The following ITSN1 variants were observed in gnomAD, a reference collection of about 807,000 sequenced individuals.
The protein encoded by ITSN1 is intersectin-1.
A neutral mutation model predicts 239.8 loss-of-function variants in ITSN1; 58 were observed. That is an observed-to-expected ratio of 0.24 (90% CI 0.20 to 0.30). ITSN1 has a LOEUF of 0.30. Among genes scored for constraint, ITSN1 ranks in the 10% least tolerant of loss-of-function variants. The pLI, the probability that ITSN1 is intolerant of heterozygous loss-of-function variation, is 1.00. For synonymous variants in ITSN1, 780 were observed against 770.8 expected, an observed-to-expected ratio of 1.01 and a Z score of -0.20; for missense variants, 1,558 against 2,103.3, an observed-to-expected ratio of 0.74 and a Z score of 5.07.
At position 33,889,891 on chromosome 21, in the gene ITSN1, G is replaced by A. The variant is rs1986245106; in HGVS notation, c.*1591G>A. 6.6e-6 allele frequency: 1 copy of A among 152,154 alleles called. No individual in the cohort carries two copies. Among genetic ancestry groups the A allele is most frequent in the African/African-American group, 2.4e-5 (1 of 41,436 alleles). The allele number at this position is 152,154 out of a possible 1,614,324, so 9.4% of individuals were successfully genotyped here. On this transcript the variant is annotated 3_prime_UTR_variant, in exon 40 of 40. Transcript: ENST00000381318. Reference sequence around the variant, plus strand: ...TTTTTTTAAAAGTGTGTGTTGGAAAGGACAACAAAGTTTACATTTCATACT... The same window carrying A: ...TTTTTTTAAAAGTGTGTGTTGGAAAAGACAACAAAGTTTACATTTCATACT...
At chr21:33,692,323 C>T (rs2091585299) in intron 1 of ITSN1, among the ~76,000 whole-genome samples, 1 of 152,170 alleles carries the variant, frequency 6.6e-6, no homozygotes, top group African/African-American at 2.4e-5. Context: ...TACCTGGATT[C>T]TAGCTGGCGT....
At chr21:33,725,134 T>G (rs1408456063) in intron 4 of ITSN1, among the ~76,000 whole-genome samples, 3 of 31,500 alleles carry the variant, frequency 9.5e-5, no homozygotes, top group African/African-American at 3.2e-4. Context: ...TTTTTTTTTG[T>G]TTTTTTTTTT....
At chr21:33,881,331 C>G (rs1984871662) in intron 34 of ITSN1, among the ~76,000 whole-genome samples, 2 of 150,514 alleles carry the variant, frequency 1.3e-5, no homozygotes, top group South Asian at 4.2e-4. Context: ...GGCGTCAACC[C>G]GGGAGGCGGA....
intron 29 of ITSN1, among the ~76,000 whole-genome samples, chr21:33,848,462 T>G (rs2075052339): frequency 6.6e-6 from 1 of 152,178 alleles, no homozygotes; most frequent in Non-Finnish European, 1.5e-5. Flanking sequence ...GCCTTTGTTA[T>G]GGTCGCCTGA....
intron 26 of ITSN1, among the ~76,000 whole-genome samples, 177 bp downstream of exon 26, chr21:33,827,040 C>T (rs979217040): frequency 6.6e-6 from 1 of 152,186 alleles, no homozygotes; most frequent in African/African-American, 2.4e-5. Flanking sequence ...TGAGATTTGT[C>T]TGTTGCTTCA....
At chr21:33,801,513 A>T (rs1300142587) in intron 19 of ITSN1, among the ~76,000 whole-genome samples, 4 of 152,102 alleles carry the variant, frequency 2.6e-5, no homozygotes, top group African/African-American at 9.7e-5. Context: ...CCTAGGCCAG[A>T]GTGCAGTGGC....
intron 7 of ITSN1, among the ~76,000 whole-genome samples, chr21:33,752,439 G>T (rs976061094): frequency 6.6e-6 from 1 of 152,090 alleles, no homozygotes; most frequent in African/African-American, 2.4e-5. Context: ...CAAATGTGTG[G>T]CTCAATTTTA....
At chr21:33,698,895 A>G (rs913034402) in intron 1 of ITSN1, among the ~76,000 whole-genome samples, 1 of 152,210 alleles carries the variant, frequency 6.6e-6, no homozygotes, top group Non-Finnish European at 1.5e-5. Flanking sequence ...ATTATTTTAA[A>G]TAAGAGAAAG....
At chr21:33,694,586 C>T (rs928998582) in intron 1 of ITSN1, among the ~76,000 whole-genome samples, 21 of 151,904 alleles carry the variant, frequency 1.4e-4, no homozygotes, top group Non-Finnish European at 2.8e-4. Context: ...TTTGGGAGGC[C>T]GAGGCGGGCA....
intron 31 of ITSN1, among the ~76,000 whole-genome samples, chr21:33,859,129 G>A (rs1040975884): frequency 4.6e-5 from 7 of 152,310 alleles, no homozygotes; most frequent in African/African-American, 1.4e-4. Context: ...CCCCCTCTAC[G>A]CTTTCCCTCG....
At chr21:33,715,181 C>A (rs949558992) in intron 1 of ITSN1, among the ~76,000 whole-genome samples, 7 of 152,110 alleles carry the variant, frequency 4.6e-5, no homozygotes, top group African/African-American at 1.4e-4. Flanking sequence ...TTATTGCTAT[C>A]ACAACTATTT....
chr21:33,692,929 C>T (rs899187028), intron 1 of ITSN1, among the ~76,000 whole-genome samples: 6 of 151,786 alleles, frequency 4.0e-5, no homozygotes, highest in Admixed American at 1.3e-4. Context: ...GCCAACATGC[C>T]GGGCTAATTT....
intron 23 of ITSN1, among the ~76,000 whole-genome samples, chr21:33,818,697 TTA>T (rs1445012338): frequency 6.6e-6 from 1 of 152,224 alleles, no homozygotes; most frequent in Non-Finnish European, 1.5e-5. Context: ...TTTCATTGCC[TTA>T]TGCAAGAAGG....
intron 34 of ITSN1, among the ~76,000 whole-genome samples, chr21:33,876,151 T>TC (rs1983797858): frequency 4.4e-4 from 19 of 42,862 alleles, no homozygotes; most frequent in African/African-American, 2.0e-3. Flanking sequence ...CTTTCTTTCT[T>TC]TCTCTCTCTC....
chr21:33,797,632 T>C lies in ITSN1; in HGVS notation c.2182+24T>C, dbSNP rs373738919. ...AGGTATTAGAAGCCAAAAATAATTA[T>C]AGAAAATAAGTCATCTTCTCTCCCA... On this transcript the variant is annotated intron_variant, in intron 18 of 39. Coordinates refer to ENST00000381318, the MANE Select transcript of ITSN1 (RefSeq NM_003024.3). The surrounding 1 kb of genome is among the most constrained non-coding windows in gnomAD (Gnocchi z 4.9). 6.9e-6 allele frequency: 11 copies of C among 1,595,392 alleles called. No individual in the cohort carries two copies. The African/African-American group carries it at 8.1e-5, about 12-fold the overall frequency.
intron 1 of ITSN1, among the ~76,000 whole-genome samples, chr21:33,701,606 A>G (rs535101682): frequency 3.9e-4 from 60 of 152,030 alleles, no homozygotes; most frequent in South Asian, 2.3e-3. Context: ...CAACCTGGCC[A>G]ACATGGTGAA....
intron 12 of ITSN1, among the ~76,000 whole-genome samples, chr21:33,774,118 C>T (rs1163999392): frequency 6.6e-6 from 1 of 152,104 alleles, no homozygotes; most frequent in Non-Finnish European, 1.5e-5. Flanking sequence ...TAGACATTTA[C>T]CATGTATCAG....
intron 29 of ITSN1, among the ~76,000 whole-genome samples, chr21:33,840,432 C>T (rs1031562726): frequency 2.0e-5 from 3 of 151,976 alleles, no homozygotes; most frequent in East Asian, 3.9e-4. Context: ...GTCGTGATCT[C>T]GGCTCACTGC....
At chr21:33,849,665 TG>T (rs2075097881) in intron 29 of ITSN1, among the ~76,000 whole-genome samples, 2 of 152,004 alleles carry the variant, frequency 1.3e-5, no homozygotes, top group African/African-American at 4.8e-5. Context: ...ACAGTGTAAT[TG>T]GATTGTTTGT....
Sources: allele counts gnomAD v4.1 joint callset (sites outside exome capture counted in the v4.1 genomes callset), GRCh38; gene constraint gnomAD v4.1.1; non-coding constraint Gnocchi (gnomAD v3.1); transcripts MANE v1.5; gene names NCBI Gene and HGNC (gene_info 2026-07-23, HGNC 2026-07-21).